Variants in SLC22A3 observed in about 807,000 individuals in gnomAD.
The protein encoded by SLC22A3 is EMT organic cation transporter 3.
SLC22A3 carries 51 observed loss-of-function variants against 59.1 expected under a neutral mutation model. The observed-to-expected ratio is 0.86, with a 90% CI of 0.69 to 1.09. The LOEUF is 1.09. Ranked by LOEUF, SLC22A3 falls within the 50% of genes least tolerant of loss-of-function variation. The pLI, the probability that SLC22A3 is intolerant of heterozygous loss-of-function variation, is 0.00. For missense variants in SLC22A3, 711 were observed against 726.3 expected, an observed-to-expected ratio of 0.98 and a Z score of 0.24; for synonymous variants, 325 against 292.0, an observed-to-expected ratio of 1.11 and a Z score of -1.15.
chr6:160,358,505 C>T (rs1338562980), intron 1 of SLC22A3, among the ~76,000 whole-genome samples: 3 of 152,172 alleles, frequency 2.0e-5, no homozygotes, highest in Non-Finnish European at 4.4e-5. Context: ...CCAGGGTCCA[C>T]TCTCTGGAGC....
Position 160,442,866 on chromosome 6 carries a change from T to A in SLC22A3, c.1394T>A (p.Leu465Ter). ...LVNSELYPTT[L>*]RNFGVSLCSG... ...AATTCAGAATTGTACCCAACAACAT[T>A]ACGGTAATTCTAACAAACGTTATAG... Residue 465 changes from leucine (L) to a stop codon, truncating the protein, a stop_gained, in exon 8 of 11, where the codon TTA (leucine) becomes TAA (stop). Coordinates refer to ENST00000275300, the MANE Select transcript of SLC22A3 (RefSeq NM_021977.4). LOFTEE classifies it high-confidence loss of function. 2 of 1,605,718 alleles carry A rather than the reference T, an allele frequency of 1.2e-6. No individual in the cohort carries two copies. Among genetic ancestry groups the A allele is most frequent in the Non-Finnish European group, 1.7e-6 (2 of 1,172,308 alleles).
At chr6:160,403,711 C>T (rs2114845008) in intron 2 of SLC22A3, among the ~76,000 whole-genome samples, 1 of 151,964 alleles carries the variant, frequency 6.6e-6, no homozygotes, top group South Asian at 2.1e-4. Flanking sequence ...AATACTGTAG[C>T]ATACCAAGTG....
rs985241662 is a variant in SLC22A3, at chr6:160,348,658, G to T, written c.239G>T (p.Gly80Val). The part of the protein sequence containing the change: ...EWNRTAPASR[G>V]PEPPERRGRC... Reference sequence around the variant, plus strand: ...AACCGCACGGCGCCCGCCTCCCGCGGCCCAGAGCCCCCCGAGCGCCGCGGC... The same window carrying T: ...AACCGCACGGCGCCCGCCTCCCGCGTCCCAGAGCCCCCCGAGCGCCGCGGC... The change falls in exon 1 of 11, where the codon GGC (glycine) becomes GTC (valine). Residue 80 changes from glycine to valine, a missense_variant. Physicochemically the swap from Gly to Val is moderately radical, Grantham distance 109. Coordinates refer to ENST00000275300, the MANE Select transcript of SLC22A3 (RefSeq NM_021977.4). 52 of 1,507,936 alleles carry T rather than the reference G, an allele frequency of 3.4e-5. No homozygotes were observed. The highest frequency in any genetic ancestry group is 1.0e-4 in the African/African-American group (7 of 69,184). The allele number at this position is 1,507,936 out of a possible 1,614,324, so 93.4% of individuals were successfully genotyped here.
At chr6:160,426,462 C>A in intron 5 of SLC22A3, 1 of 609,100 alleles carries the variant, frequency 1.6e-6, no homozygotes, top group Non-Finnish European at 2.1e-6. Context: ...CCTCTATTCC[C>A]ACTCTTCCCT....
chr6:160,430,209 TTAA>T (rs200325531), intron 5 of SLC22A3, among the ~76,000 whole-genome samples: 2,476 of 151,604 alleles, frequency 0.016, 28 homozygotes, highest in African/African-American at 0.022. Flanking sequence ...TGAATAATAT[TTAA>T]TAATAATATT....
At chr6:160,403,719 G>A (rs938140330) in intron 2 of SLC22A3, among the ~76,000 whole-genome samples, 6 of 151,862 alleles carry the variant, frequency 4.0e-5, no homozygotes, top group African/African-American at 1.2e-4. Flanking sequence ...AGCATACCAA[G>A]TGCGTAGTAT....
chr6:160,382,972 T>C (rs1010505857), intron 1 of SLC22A3, among the ~76,000 whole-genome samples: 2 of 152,038 alleles, frequency 1.3e-5, no homozygotes, highest in African/African-American at 4.8e-5. Flanking sequence ...AAATTGACAA[T>C]AGATTTTTAA....
In SLC22A3 at chr6:160,418,376, C is replaced by A. The variant is rs538468383; in HGVS notation, c.975+7530C>A. On this transcript the variant is annotated intron_variant, in intron 5 of 10. Coordinates refer to ENST00000275300, the MANE Select transcript of SLC22A3 (RefSeq NM_021977.4). ...GCCTTTGGCCACATACTGAAGGCTG[C>A]ACTGTTGGTTTCCCTACTTTTGAGG... Among the ~76,000 whole-genome samples the A allele has an allele frequency of 7.2e-5, 11 of 152,306 alleles. No homozygotes were observed. The South Asian group carries it at 2.3e-3, about 32-fold the overall frequency.
intron 1 of SLC22A3, among the ~76,000 whole-genome samples, chr6:160,350,087 T>G (rs749258154): frequency 2.0e-5 from 3 of 152,202 alleles, no homozygotes; most frequent in African/African-American, 7.2e-5. Context: ...CTATGCTATG[T>G]GCTCCAGGGA....
chr6:160,390,829 G>T (rs1303729880), intron 1 of SLC22A3, among the ~76,000 whole-genome samples: 1 of 152,122 alleles, frequency 6.6e-6, no homozygotes, highest in Non-Finnish European at 1.5e-5. Flanking sequence ...AATAGAAATT[G>T]ATTCGCTCCT....
intron 9 of SLC22A3, among the ~76,000 whole-genome samples, 197 bp downstream of exon 9, chr6:160,443,939 A>G (rs992213620): frequency 3.9e-5 from 6 of 152,216 alleles, no homozygotes; most frequent in Non-Finnish European, 7.3e-5. Context: ...TTCAGTTATA[A>G]TGAATGGTTT....
intron 7 of SLC22A3, among the ~76,000 whole-genome samples, chr6:160,438,577 G>A (rs1304247187): frequency 1.9e-5 from 2 of 107,086 alleles, no homozygotes; most frequent in Admixed American, 1.0e-4. Context: ...GCCAATATTC[G>A]GAACACACAC....
At chr6:160,385,682 C>A (rs944025944) in intron 1 of SLC22A3, among the ~76,000 whole-genome samples, 1 of 152,194 alleles carries the variant, frequency 6.6e-6, no homozygotes, top group African/African-American at 2.4e-5. Context: ...TGCCTTCCAG[C>A]CGACGCAGGA....
At chr6:160,384,940 T>C (rs1363070410) in intron 1 of SLC22A3, among the ~76,000 whole-genome samples, 1 of 152,272 alleles carries the variant, frequency 6.6e-6, no homozygotes, top group Non-Finnish European at 1.5e-5. Flanking sequence ...CTGTGGCTTA[T>C]GCTCTCAGGT....
intron 5 of SLC22A3, among the ~76,000 whole-genome samples, chr6:160,430,241 A>T (rs183425169): frequency 6.6e-6 from 1 of 152,050 alleles, no homozygotes; most frequent in East Asian, 1.9e-4. Context: ...ATATTTGAAT[A>T]TTATTATTCT....
intron 1 of SLC22A3, among the ~76,000 whole-genome samples, chr6:160,385,668 C>T (rs1324138909): frequency 6.6e-6 from 1 of 152,344 alleles, no homozygotes; most frequent in East Asian, 1.9e-4. Flanking sequence ...CTGCAGCCTT[C>T]CTCTGCCTTC....
chr6:160,401,788 AT>A (rs1303516984), intron 2 of SLC22A3, among the ~76,000 whole-genome samples: 1 of 151,980 alleles, frequency 6.6e-6, no homozygotes, highest in Non-Finnish European at 1.5e-5. Flanking sequence ...ATACAGTGTT[AT>A]TTGAAAGTGG....
At chr6:160,430,419 G>T (rs907055503) in intron 5 of SLC22A3, among the ~76,000 whole-genome samples, 1 of 151,810 alleles carries the variant, frequency 6.6e-6, no homozygotes, top group Non-Finnish European at 1.5e-5. Flanking sequence ...ATAACAGATG[G>T]TTATTTATAA....
At chr6:160,431,784 C>T (rs190075682) in intron 5 of SLC22A3, among the ~76,000 whole-genome samples, 1 of 152,236 alleles carries the variant, frequency 6.6e-6, no homozygotes, top group East Asian at 1.9e-4. Flanking sequence ...AAGCATTGTT[C>T]TGGATTGGAT....
Sources: allele counts gnomAD v4.1 joint callset (sites outside exome capture counted in the v4.1 genomes callset), GRCh38; gene constraint gnomAD v4.1.1; transcripts MANE v1.5; gene names NCBI Gene and HGNC (gene_info 2026-07-23, HGNC 2026-07-21).